GPC5: variants seen among roughly 807,000 people sequenced by gnomAD.
GPC5 encodes the protein glypican 5, also known as glypican-5.
In GPC5, 47 loss-of-function variants were observed where a neutral mutation model predicts 53.9. The ratio of observed to expected loss-of-function variants is 0.87; its 90% CI spans 0.69 to 1.11. The LOEUF (loss-of-function observed/expected upper bound fraction) is 1.11, where lower values mean the gene tolerates loss of function less well. Ranked by LOEUF, GPC5 falls within the 50% of genes most tolerant of loss-of-function variation. The pLI, the probability that GPC5 is intolerant of heterozygous loss-of-function variation, is 0.00. For synonymous variants in GPC5, 286 were observed against 263.3 expected (o/e 1.09, Z -0.84); for missense variants, 748 against 713.1 (o/e 1.05, Z -0.56).
chr13:91,437,245 T>C (rs1346130178), intron 1 of GPC5, among the ~76,000 whole-genome samples: 1 of 152,218 alleles, frequency 6.6e-6, no homozygotes, highest in Non-Finnish European at 1.5e-5. Flanking sequence ...GTTAGCTGGT[T>C]ATTTTGCTTG....
At chr13:91,440,409 A>AT (rs1362711383) in intron 1 of GPC5, among the ~76,000 whole-genome samples, 2 of 152,182 alleles carry the variant, frequency 1.3e-5, no homozygotes, top group African/African-American at 4.8e-5. Context: ...CATACAGTGA[A>AT]TTTTTTATTT....
chr13:92,614,485 T>C (rs1884615706), intron 7 of GPC5, among the ~76,000 whole-genome samples: 1 of 152,218 alleles, frequency 6.6e-6, no homozygotes, highest in Non-Finnish European at 1.5e-5. Context: ...AAATCTATCA[T>C]AAAAGTCAAA....
intron 1 of GPC5, among the ~76,000 whole-genome samples, chr13:91,446,898 G>A (rs1294392211): frequency 1.3e-5 from 2 of 152,230 alleles, no homozygotes; most frequent in South Asian, 4.1e-4. Context: ...GCGCGCATGA[G>A]AACAGGTAGG....
At chr13:91,679,538 T>A (rs906661654) in intron 2 of GPC5, among the ~76,000 whole-genome samples, 13 of 152,186 alleles carry the variant, frequency 8.5e-5, no homozygotes, top group Non-Finnish European at 1.6e-4. Flanking sequence ...CAAAACTATT[T>A]CATAATACTG....
intron 6 of GPC5, among the ~76,000 whole-genome samples, chr13:91,977,909 C>G (rs1397511260): frequency 7.0e-6 from 1 of 142,712 alleles, no homozygotes; most frequent in East Asian, 2.0e-4. Context: ...CCCAGGAGTT[C>G]AAGACCAGCC....
At chr13:92,664,843 A>T (rs1049793040) in intron 7 of GPC5, among the ~76,000 whole-genome samples, 1 of 152,186 alleles carries the variant, frequency 6.6e-6, no homozygotes, top group Non-Finnish European at 1.5e-5. Flanking sequence ...CTAAGAATCA[A>T]TCTAGATGAC....
chr13:92,864,813 G>A (rs949254995), intron 7 of GPC5, among the ~76,000 whole-genome samples: 4 of 152,018 alleles, frequency 2.6e-5, no homozygotes, highest in African/African-American at 4.8e-5. Context: ...GCTTTGCTTC[G>A]TTTTAGTGCT....
intron 6 of GPC5, among the ~76,000 whole-genome samples, chr13:92,073,832 C>T (rs2041232128): frequency 6.6e-6 from 1 of 152,126 alleles, no homozygotes; most frequent in Non-Finnish European, 1.5e-5. Context: ...ATAATCCCCA[C>T]GTGTTGTAGG....
intron 5 of GPC5, among the ~76,000 whole-genome samples, chr13:91,885,163 G>A (rs1326599547): frequency 6.6e-6 from 1 of 152,044 alleles, no homozygotes; most frequent in Non-Finnish European, 1.5e-5. Flanking sequence ...GTACCCATAT[G>A]CCTTTGTGTA....
intron 5 of GPC5, among the ~76,000 whole-genome samples, chr13:91,894,216 T>C (rs1410602915): frequency 6.6e-6 from 1 of 152,208 alleles, no homozygotes; most frequent in African/African-American, 2.4e-5. Context: ...TGATAATTTG[T>C]AAAACCATCC....
chr13:92,405,901 C>T (rs1206287494), intron 7 of GPC5, among the ~76,000 whole-genome samples: 1 of 152,138 alleles, frequency 6.6e-6, no homozygotes, highest in Admixed American at 6.5e-5. Context: ...ACCTACTTCC[C>T]TTATTCTTCT....
At chr13:91,622,088 C>A (rs1405991232) in intron 2 of GPC5, among the ~76,000 whole-genome samples, 2 of 152,000 alleles carry the variant, frequency 1.3e-5, no homozygotes, top group Non-Finnish European at 2.9e-5. Context: ...TCCATCTTCT[C>A]TTGCCTGCTT....
At chr13:92,586,082 A>G (rs1330018843) in intron 7 of GPC5, among the ~76,000 whole-genome samples, 2 of 152,206 alleles carry the variant, frequency 1.3e-5, no homozygotes, top group Admixed American at 1.3e-4. Flanking sequence ...TGGGTGCTTA[A>G]ATGTATTGTG....
At chr13:92,846,889 C>T (rs1019359939) in intron 7 of GPC5, among the ~76,000 whole-genome samples, 1 of 152,186 alleles carries the variant, frequency 6.6e-6, no homozygotes, top group Admixed American at 6.5e-5. Flanking sequence ...ATGCCCATCT[C>T]AAAGTCTTTC....
intron 1 of GPC5, among the ~76,000 whole-genome samples, chr13:91,412,983 T>C (rs1468427577): frequency 6.6e-6 from 1 of 152,132 alleles, no homozygotes; most frequent in Non-Finnish European, 1.5e-5. Context: ...TAAAGCTGTA[T>C]AAATAACCAA....
intron 7 of GPC5, among the ~76,000 whole-genome samples, chr13:92,755,425 A>G (rs1874817844): frequency 6.7e-6 from 1 of 150,346 alleles, no homozygotes; most frequent in Admixed American, 6.7e-5. Flanking sequence ...AAGAACTAGA[A>G]AAGCAAGAGC....
chr13:91,855,358 A>C (rs1157401196), intron 5 of GPC5, among the ~76,000 whole-genome samples: 3 of 151,680 alleles, frequency 2.0e-5, no homozygotes, highest in African/African-American at 7.2e-5. Context: ...GTATCTGTAA[A>C]ATGTATACTT....
At chr13:92,691,754 A>G (rs7322933) in intron 7 of GPC5, among the ~76,000 whole-genome samples, 7,511 of 151,860 alleles carry the variant, frequency 0.049, 258 homozygotes, top group Non-Finnish European at 0.067. Flanking sequence ...AAAATTTTCT[A>G]TATAGATGGT....
At chr13:92,385,381 CATATATAT>C (rs67898974) in intron 7 of GPC5, among the ~76,000 whole-genome samples, 79 of 92,968 alleles carry the variant, frequency 8.5e-4, no homozygotes, top group African/African-American at 2.7e-3. Flanking sequence ...TACATATATA[CATATATAT>C]ACATATATAC....
Sources: allele counts gnomAD v4.1 joint callset (sites outside exome capture counted in the v4.1 genomes callset), GRCh38; gene constraint gnomAD v4.1.1; transcripts MANE v1.5; gene names NCBI Gene and HGNC (gene_info 2026-07-23, HGNC 2026-07-21).